The following MLLT10 variants were observed in gnomAD, a reference collection of about 807,000 sequenced individuals.
MLLT10 encodes the protein protein AF-10.
A neutral mutation model predicts 129.1 loss-of-function variants in MLLT10; 30 were observed. The ratio of observed to expected loss-of-function variants is 0.23; its 90% CI spans 0.17 to 0.32. The LOEUF is 0.32. Ranked by LOEUF, MLLT10 falls within the 10% of genes least tolerant of loss-of-function variation. The pLI, the probability that MLLT10 is intolerant of heterozygous loss-of-function variation, is 1.00. For missense variants in MLLT10, 1,119 were observed against 1,268.3 expected, an observed-to-expected ratio of 0.88 and a Z score of 1.79; for synonymous variants, 490 against 446.4, an observed-to-expected ratio of 1.10 and a Z score of -1.23.
intron 3 of MLLT10, among the ~76,000 whole-genome samples, chr10:21,539,126 A>C (rs995569582): frequency 6.6e-6 from 1 of 152,244 alleles, no homozygotes; most frequent in Non-Finnish European, 1.5e-5. Flanking sequence ...GATACTTTGA[A>C]AACAAAAATA....
intron 11 of MLLT10, among the ~76,000 whole-genome samples, chr10:21,677,912 A>G (rs1398184772): frequency 6.6e-6 from 1 of 152,208 alleles, no homozygotes; most frequent in African/African-American, 2.4e-5. Flanking sequence ...ACACCACTGT[A>G]TCCCCACTGC....
Position 21,733,578 on chromosome 10 carries a change from C to T in MLLT10, c.2482C>T (p.Pro828Ser). The change falls in exon 19 of 23, where the codon CCT (proline) becomes TCT (serine). Residue 828 changes from proline (P) to serine (S), a missense_variant. Pro to Ser is a moderately conservative substitution (Grantham distance 74). This residue lies in a region of MLLT10 where 1,004 missense variants were observed against 1,008.7 expected (regional missense o/e 1.00). Transcript: ENST00000307729. ...CAGCTTTTTACCTGATAATTCTCTT[C>T]CTGTATTAAATCAGGTAATTTTTGT... ...GNSFLPDNSL[P>S]VLNQDLTSSG... 1 of 1,564,548 alleles carries T rather than the reference C, an allele frequency of 6.4e-7. No individual in the cohort carries two copies. Among genetic ancestry groups the T allele is most frequent in the Admixed American group, 2.0e-5 (1 of 49,536 alleles).
At chr10:21,567,450 C>T (rs1471603267) in intron 3 of MLLT10, among the ~76,000 whole-genome samples, 2 of 152,134 alleles carry the variant, frequency 1.3e-5, no homozygotes, top group East Asian at 1.9e-4. Flanking sequence ...TCTCTGCTAC[C>T]ACTCCAGTAG....
At chr10:21,723,166 T>A (rs1208159632) in intron 14 of MLLT10, among the ~76,000 whole-genome samples, 1 of 152,158 alleles carries the variant, frequency 6.6e-6, no homozygotes, top group Non-Finnish European at 1.5e-5. Flanking sequence ...ATACTTTATC[T>A]TTTTTTGATG....
In MLLT10 at chr10:21,680,353, G is replaced by A. The variant is rs141742483; in HGVS notation, c.1622-979G>A. On this transcript the variant is annotated intron_variant, in intron 11 of 22. Transcript: ENST00000307729. ...CCCAAGTAGCTCGGATTACAGGCACGTGCCACCATGCCCGGCTAATTTTTG... is the reference window on the plus strand; with the variant it reads ...CCCAAGTAGCTCGGATTACAGGCACATGCCACCATGCCCGGCTAATTTTTG... Among the ~76,000 whole-genome samples, 503 of 151,872 alleles carry A rather than the reference G, an allele frequency of 3.3e-3. 4 individuals carry two copies. The highest frequency in any genetic ancestry group is 0.011 in the African/African-American group (467 of 41,434).
At chr10:21,723,743 T>C (rs1274938298) in intron 14 of MLLT10, among the ~76,000 whole-genome samples, 1 of 152,208 alleles carries the variant, frequency 6.6e-6, no homozygotes, top group East Asian at 1.9e-4. Flanking sequence ...GACTGTTTCT[T>C]CCTCCTTCTA....
chr10:21,614,225 CAA>C (rs34546142), intron 6 of MLLT10, among the ~76,000 whole-genome samples: 7,252 of 81,340 alleles, frequency 0.089, 399 homozygotes, highest in African/African-American at 0.22. Flanking sequence ...TTTTTTTTTT[CAA>C]AAAAAAAAAA....
chr10:21,563,250 C>T (rs1039264308), intron 3 of MLLT10, among the ~76,000 whole-genome samples: 16 of 152,010 alleles, frequency 1.1e-4, no homozygotes, highest in Admixed American at 2.0e-4. Context: ...GGAGGCCCGG[C>T]GCGTGGCTCA....
chr10:21,733,744 A>G, intron 19 of MLLT10, 24 bp from the exon 20 acceptor site: 2 of 1,582,476 alleles, frequency 1.3e-6, no homozygotes, highest in Non-Finnish European at 1.7e-6. Context: ...CAGTGGACTT[A>G]GTTTCTCTTC....
At chr10:21,740,006 T>C in intron 21 of MLLT10, 24 bp from the exon 22 acceptor site, 1 of 1,560,520 alleles carries the variant, frequency 6.4e-7, no homozygotes, top group Non-Finnish European at 8.7e-7. Flanking sequence ...GAACTCATTT[T>C]CTCTCACATG....
At chr10:21,542,332 G>T (rs1367020337) in intron 3 of MLLT10, among the ~76,000 whole-genome samples, 4 of 152,128 alleles carry the variant, frequency 2.6e-5, no homozygotes, top group Non-Finnish European at 5.9e-5. Flanking sequence ...ACTTTGGGAG[G>T]CTCAGGTAGG....
chr10:21,711,148 TGTG>T (rs1564695931), intron 13 of MLLT10, among the ~76,000 whole-genome samples: 1 of 152,156 alleles, frequency 6.6e-6, no homozygotes, highest in Admixed American at 6.5e-5. Flanking sequence ...AGAGGCCAGA[TGTG>T]GTGGCTCAAA....
chr10:21,606,453 A>C (rs2044080807), intron 5 of MLLT10, among the ~76,000 whole-genome samples: 1 of 152,236 alleles, frequency 6.6e-6, no homozygotes, highest in Non-Finnish European at 1.5e-5. Flanking sequence ...TGGGCAAAGT[A>C]CATTGAAAAC....
intron 3 of MLLT10, among the ~76,000 whole-genome samples, chr10:21,545,961 C>G (rs1442182948): frequency 2.6e-5 from 4 of 152,276 alleles, no homozygotes; most frequent in African/African-American, 9.6e-5. Flanking sequence ...GCCACCATGC[C>G]TGGCCTATTT....
intron 8 of MLLT10, among the ~76,000 whole-genome samples, chr10:21,648,807 G>A (rs1423315231): frequency 6.6e-6 from 1 of 152,190 alleles, no homozygotes; most frequent in East Asian, 1.9e-4. Flanking sequence ...GGCAGAAGGC[G>A]AAGGAGGAGT....
At chr10:21,626,956 A>G (rs2046510505) in intron 8 of MLLT10, among the ~76,000 whole-genome samples, 1 of 152,198 alleles carries the variant, frequency 6.6e-6, no homozygotes, top group African/African-American at 2.4e-5. Flanking sequence ...CTAGCTAAGA[A>G]GAGGCTAGTT....
intron 15 of MLLT10, among the ~76,000 whole-genome samples, chr10:21,727,374 A>G (rs2057595784): frequency 6.6e-6 from 1 of 152,184 alleles, no homozygotes; most frequent in South Asian, 2.1e-4. Flanking sequence ...TTCTTGGTGT[A>G]AGGCTCTAGT....
chr10:21,581,516 T>C (rs2041453566), intron 3 of MLLT10, among the ~76,000 whole-genome samples: 2 of 152,206 alleles, frequency 1.3e-5, no homozygotes, highest in African/African-American at 4.8e-5. Flanking sequence ...GGGACATTTT[T>C]GTACACTACT....
intron 5 of MLLT10, 66 bp downstream of exon 5, chr10:21,595,506 T>C: frequency 7.7e-7 from 1 of 1,306,044 alleles, no homozygotes; most frequent in Non-Finnish European, 1.1e-6. Flanking sequence ...GAAGTTTTTG[T>C]GTTTTTAAAA....
Sources: allele counts gnomAD v4.1 joint callset (sites outside exome capture counted in the v4.1 genomes callset), GRCh38; gene constraint gnomAD v4.1.1; regional missense constraint gnomAD v4.1.1; transcripts MANE v1.5; gene names NCBI Gene and HGNC (gene_info 2026-07-23, HGNC 2026-07-21).